The following ZC3H13 variants were observed in gnomAD, a reference collection of about 807,000 sequenced individuals.
ZC3H13 encodes the protein zinc finger CCCH-type containing 13, also known as zinc finger CCCH domain-containing protein 13.
In ZC3H13, 64 loss-of-function variants were observed where a neutral mutation model predicts 204.1. The ratio of observed to expected loss-of-function variants is 0.31; its 90% CI spans 0.26 to 0.39. The LOEUF is 0.39. Ranked by LOEUF, ZC3H13 falls within the 10% of genes least tolerant of loss-of-function variation. The pLI is 1.00. For missense variants in ZC3H13, 1,833 were observed against 2,082.7 expected (o/e 0.88, Z 2.33); for synonymous variants, 667 against 693.7 (o/e 0.96, Z 0.60).
chr13:45,955,361 A>T lies in ZC3H13; in HGVS notation c.*1766T>A, dbSNP rs1451489309. On this transcript the variant is annotated 3_prime_UTR_variant, in exon 19 of 19. Coordinates refer to ENST00000679008, the MANE Select transcript of ZC3H13 (RefSeq NM_001330564.2). The stretch of plus-strand genomic sequence containing the variant: ...CATAAAGCTCTGAATGCTGTGACTG[A>T]GTGAACAAAGGAATAGTTCTAAATT... The T allele has an allele frequency of 6.6e-6, 1 of 152,220 alleles. No individual in the cohort carries two copies. The highest frequency in any genetic ancestry group is 1.5e-5 in the Non-Finnish European group (1 of 68,014). The allele number at this position is 152,220 out of a possible 1,614,324, so 9.4% of individuals were successfully genotyped here. A position where few individuals can be genotyped will look rare whatever the true frequency, so the allele number is the denominator to read the frequency against.
In ZC3H13 at chr13:46,011,431, A is replaced by G; in HGVS notation, c.572T>C (p.Ile191Thr). The G allele has an allele frequency of 6.2e-7, 1 of 1,603,940 alleles. No homozygotes were observed. Among genetic ancestry groups the G allele is most frequent in the South Asian group, 1.1e-5 (1 of 89,020 alleles). The stretch of plus-strand genomic sequence containing the variant: ...ATAGCATACCTCCTTTTTAATGATA[A>G]TTTCTTCTCTCTTCTCCATGTTTTC... ...EQENMEKREE[I>T]IIKKEVSPEV... Residue 191 changes from isoleucine (I) to threonine (T), a missense_variant, in exon 6 of 19, where the codon ATT becomes ACT. Physicochemically the swap from Ile to Thr is moderately conservative, Grantham distance 89 (BLOSUM62 -1). Coordinates refer to ENST00000679008, the MANE Select transcript of ZC3H13 (RefSeq NM_001330564.2).
At chr13:46,000,776 C>G in intron 8 of ZC3H13, among the ~76,000 whole-genome samples, 1 of 152,072 alleles carries the variant, frequency 6.6e-6, no homozygotes, top group South Asian at 2.1e-4. Context: ...AGCTTGCCAC[C>G]TAAGTTTTCA....
rs569864512 is a variant in ZC3H13 at position 45,965,283 on chromosome 13, G to A, written c.4471C>T (p.Pro1491Ser). 6.8e-6 allele frequency: 11 copies of A among 1,612,372 alleles called. No homozygotes were observed. The highest frequency in any genetic ancestry group is 1.1e-5 in the South Asian group (1 of 90,850). ...REDQQDEEKM[P>S]DPLDVIDVDW... ...AACCACCTCTGCAAATAGTTACCTG[G>A]CATCTTCTCCTCATCCTGTTGGTCC... Residue 1491 changes from proline to serine, a missense_variant, in exon 16 of 19, where the codon CCA becomes TCA. By Grantham distance (74) the Pro-to-Ser change is moderately conservative (BLOSUM62 -1). Around this residue, in one of 5 missense-constraint regions of ZC3H13, gnomAD observed 211 missense variants for 228.4 expected, o/e 0.92. Coordinates refer to ENST00000679008, the MANE Select transcript of ZC3H13 (RefSeq NM_001330564.2).
chr13:46,046,485 C>CATG, intron 1 of ZC3H13, among the ~76,000 whole-genome samples: 1 of 140,990 alleles, frequency 7.1e-6, no homozygotes, highest in Non-Finnish European at 1.5e-5. Context: ...GGCAAAACTC[C>CATG]GTCTCTACTA....
At chr13:46,047,149 G>A (rs1297609145) in intron 1 of ZC3H13, among the ~76,000 whole-genome samples, 1 of 152,158 alleles carries the variant, frequency 6.6e-6, no homozygotes, top group African/African-American at 2.4e-5. Flanking sequence ...TTGGTTCAAT[G>A]AGGTACTTCA....
intron 4 of ZC3H13, among the ~76,000 whole-genome samples, chr13:46,038,256 C>T (rs1380016819): frequency 1.3e-5 from 2 of 152,204 alleles, no homozygotes; most frequent in African/African-American, 4.8e-5. Flanking sequence ...AAACTCCTTA[C>T]AGTTCTTGTG....
chr13:46,044,254 C>A (rs1345893161), intron 3 of ZC3H13, among the ~76,000 whole-genome samples: 1 of 151,262 alleles, frequency 6.6e-6, no homozygotes, highest in Non-Finnish European at 1.5e-5. Flanking sequence ...ATCAGTGTAA[C>A]CAATTTTGGA....
At position 45,975,796 on chromosome 13, in the gene ZC3H13, T is replaced by C. The variant is rs1406624172; in HGVS notation, c.1955A>G (p.Asp652Gly). Residue 652 changes from aspartate (D) to glycine (G), a missense_variant, in exon 12 of 19, where the codon GAC becomes GGC. Transcript: ENST00000679008. ...SSPIRHQGRN[D>G]ELERDERREE... The stretch of plus-strand genomic sequence containing the variant: ...TCTTCTTTCATCACGCTCAAGCTCG[T>C]CATTCCTTCCCTGATGTCGAATTGG... 1 of 1,613,702 alleles carries C rather than the reference T, an allele frequency of 6.2e-7. No homozygotes were observed.
intron 4 of ZC3H13, among the ~76,000 whole-genome samples, chr13:46,032,622 G>C (rs944740983): frequency 9.9e-5 from 15 of 152,140 alleles, no homozygotes; most frequent in African/African-American, 3.6e-4. Context: ...TTTACCCTTT[G>C]ACACAGCAAT....
At chr13:46,040,419 C>T (rs970314196) in intron 4 of ZC3H13, among the ~76,000 whole-genome samples, 42 of 151,940 alleles carry the variant, frequency 2.8e-4, no homozygotes, top group African/African-American at 9.9e-4. Flanking sequence ...GAACCTTTAC[C>T]ACATCATAAA....
chr13:46,008,797 A>G (rs1322399174), intron 7 of ZC3H13, among the ~76,000 whole-genome samples: 1 of 152,146 alleles, frequency 6.6e-6, no homozygotes, highest in Non-Finnish European at 1.5e-5. Flanking sequence ...TACCTTTGCA[A>G]TATTTACTCA....
chr13:45,986,849 T>C (rs1419367037), intron 9 of ZC3H13, among the ~76,000 whole-genome samples: 1 of 152,186 alleles, frequency 6.6e-6, no homozygotes, highest in Non-Finnish European at 1.5e-5. Context: ...GCCCACAGAC[T>C]TTCTCATGGA....
intron 12 of ZC3H13, among the ~76,000 whole-genome samples, chr13:45,972,123 T>C (rs1952635606): frequency 1.3e-5 from 2 of 151,898 alleles, no homozygotes; most frequent in Admixed American, 1.3e-4. Context: ...AGGAGATATT[T>C]GATCCAGCAA....
At chr13:45,990,608 C>T (rs2039899647) in intron 8 of ZC3H13, among the ~76,000 whole-genome samples, 1 of 152,114 alleles carries the variant, frequency 6.6e-6, no homozygotes, top group African/African-American at 2.4e-5. Flanking sequence ...TTAATTGACT[C>T]TAAATAGAAA....
intron 4 of ZC3H13, among the ~76,000 whole-genome samples, chr13:46,025,026 T>C (rs1264379739): frequency 6.6e-6 from 1 of 152,182 alleles, no homozygotes; most frequent in African/African-American, 2.4e-5. Context: ...CTTGGAGAAA[T>C]TTCCTTTGAA....
At position 45,957,197 on chromosome 13, in the gene ZC3H13, G is replaced by T; in HGVS notation, c.4940C>A (p.Pro1647Gln). 6.5e-7 allele frequency: 1 copy of T among 1,548,876 alleles called. No homozygotes were observed. Among genetic ancestry groups the T allele is most frequent in the Non-Finnish European group, 8.7e-7 (1 of 1,146,094 alleles). The change falls in exon 19 of 19, where the codon CCA becomes CAA. Residue 1647 changes from proline (P) to glutamine (Q), a missense_variant. By Grantham distance (76) the Pro-to-Gln change is moderately conservative. This residue lies in a region of ZC3H13 where 211 missense variants were observed against 228.4 expected (regional missense o/e 0.92). Transcript: ENST00000679008. ...ATTATCTTCAGTCTTTTCATGTCCTGGAGCATGGCAAGTAGTCTTCCGCTT... is the reference window on the plus strand; with the variant it reads ...ATTATCTTCAGTCTTTTCATGTCCTTGAGCATGGCAAGTAGTCTTCCGCTT... ...LFKRKTTCHA[P>Q]GHEKTEDNKL...
At chr13:46,051,050 ACT>A (rs1230565787) in intron 1 of ZC3H13, among the ~76,000 whole-genome samples, 2 of 152,180 alleles carry the variant, frequency 1.3e-5, no homozygotes, top group African/African-American at 4.8e-5. Flanking sequence ...CTGAAAACCA[ACT>A]CTCTAAGTAA....
intron 4 of ZC3H13, among the ~76,000 whole-genome samples, chr13:46,021,678 G>A (rs1593713018): frequency 6.6e-6 from 1 of 151,706 alleles, no homozygotes; most frequent in Non-Finnish European, 1.5e-5. Flanking sequence ...AGAGGCTGAC[G>A]AAAATAATTT....
chr13:46,051,055 C>CT (rs2044373522), intron 1 of ZC3H13, among the ~76,000 whole-genome samples: 1 of 152,102 alleles, frequency 6.6e-6, no homozygotes, highest in African/African-American at 2.4e-5. Flanking sequence ...AACCAACTCT[C>CT]TAAGTAAATT....
Sources: gnomAD v4.1 joint callset for allele counts (sites outside exome capture counted in the v4.1 genomes callset) on GRCh38, gnomAD v4.1.1 for gene constraint, gnomAD v4.1.1 regional missense constraint, MANE v1.5 for transcripts, NCBI Gene and HGNC (gene_info 2026-07-23, HGNC 2026-07-21) for gene names.